Variants in CCBE1 observed in about 807,000 individuals in gnomAD.
CCBE1 encodes collagen and calcium-binding EGF domain-containing protein 1.
In CCBE1, 37 loss-of-function variants were observed where a neutral mutation model predicts 50.0. That is an observed-to-expected ratio of 0.74 (90% CI 0.57 to 0.97). CCBE1 has a LOEUF of 0.97. CCBE1 is among the 50% of genes least tolerant of loss of function. CCBE1 has a pLI of 0.00. For missense variants in CCBE1, 538 were observed against 523.8 expected, an observed-to-expected ratio of 1.03 and a Z score of -0.26; for synonymous variants, 234 against 203.7, an observed-to-expected ratio of 1.15 and a Z score of -1.27.
chr18:59,642,841 C>T (rs554837636), intron 2 of CCBE1, among the ~76,000 whole-genome samples: 4 of 148,050 alleles, frequency 2.7e-5, no homozygotes, highest in South Asian at 2.2e-4. Context: ...CCCAGCTATT[C>T]GGGAGGCTGA....
intron 2 of CCBE1, among the ~76,000 whole-genome samples, chr18:59,645,770 G>A (rs932920155): frequency 3.9e-5 from 6 of 152,276 alleles, no homozygotes; most frequent in African/African-American, 9.6e-5. Flanking sequence ...GGTGGCTCAC[G>A]CCTATAATCC....
intron 6 of CCBE1, among the ~76,000 whole-genome samples, chr18:59,451,351 T>C (rs1264826314): frequency 1.3e-5 from 2 of 149,754 alleles, no homozygotes; most frequent in African/African-American, 4.9e-5. Flanking sequence ...CCTCTCCTTC[T>C]GGAGTCTCCC....
intron 2 of CCBE1, among the ~76,000 whole-genome samples, chr18:59,573,619 C>A (rs983871837): frequency 6.6e-6 from 1 of 151,858 alleles, no homozygotes; most frequent in Non-Finnish European, 1.5e-5. Flanking sequence ...TCTTTTCTCA[C>A]CATTTTAGTT....
chr18:59,623,496 C>G (rs1436764040), intron 2 of CCBE1, among the ~76,000 whole-genome samples: 2 of 152,204 alleles, frequency 1.3e-5, no homozygotes, highest in African/African-American at 4.8e-5. Context: ...CACTTGGTCA[C>G]CTGCCTCTTA....
At chr18:59,544,290 C>A (rs1915598920) in intron 2 of CCBE1, among the ~76,000 whole-genome samples, 1 of 152,102 alleles carries the variant, frequency 6.6e-6, no homozygotes, top group African/African-American at 2.4e-5. Flanking sequence ...TTCCATGGAA[C>A]CATAAAGCAA....
intron 9 of CCBE1, among the ~76,000 whole-genome samples, chr18:59,438,461 G>A (rs573895171): frequency 2.0e-5 from 3 of 152,224 alleles, no homozygotes; most frequent in Admixed American, 2.0e-4. Context: ...TCTTTGTGAG[G>A]CAAAAAAGAG....
intron 2 of CCBE1, among the ~76,000 whole-genome samples, chr18:59,580,775 A>G (rs1414176697): frequency 6.6e-6 from 1 of 152,204 alleles, no homozygotes; most frequent in Admixed American, 6.5e-5. Context: ...AAACAAAATA[A>G]AAGGGGAAAA....
chr18:59,485,496 C>T (rs1197384676), intron 2 of CCBE1, among the ~76,000 whole-genome samples: 2 of 151,966 alleles, frequency 1.3e-5, no homozygotes, highest in Non-Finnish European at 1.5e-5. Context: ...AATATTTGCA[C>T]CCTTGCTGCA....
At chr18:59,440,724 G>C (rs1461935448) in intron 7 of CCBE1, among the ~76,000 whole-genome samples, 1 of 152,114 alleles carries the variant, frequency 6.6e-6, no homozygotes, top group Non-Finnish European at 1.5e-5. Context: ...GCATGCTGGG[G>C]GATGAGTTGG....
chr18:59,580,757 T>A (rs938587390), intron 2 of CCBE1, among the ~76,000 whole-genome samples: 1 of 152,222 alleles, frequency 6.6e-6, no homozygotes, highest in African/African-American at 2.4e-5. Context: ...TTAAGTCAAA[T>A]TTTTTAAAAA....
At chr18:59,522,758 G>A (rs1914654450) in intron 2 of CCBE1, among the ~76,000 whole-genome samples, 1 of 152,086 alleles carries the variant, frequency 6.6e-6, no homozygotes, top group African/African-American at 2.4e-5. Context: ...GGGAGGCCGA[G>A]GCGGGCGTAT....
At chr18:59,553,270 A>G (rs1156659015) in intron 2 of CCBE1, among the ~76,000 whole-genome samples, 3 of 152,210 alleles carry the variant, frequency 2.0e-5, no homozygotes, top group Non-Finnish European at 4.4e-5. Flanking sequence ...TTATAGCTCA[A>G]TTGATGCAAC....
At position 59,480,207 on chromosome 18, in the gene CCBE1, G is replaced by A. The variant is rs755658403; in HGVS notation, c.244C>T (p.Leu82Phe). 3.8e-6 allele frequency: 6 copies of A among 1,597,458 alleles called. No individual in the cohort carries two copies. In the African/African-American group the frequency reaches 6.7e-5, roughly 18 times the overall value. Reference protein sequence around the residue: ...KKCCKGYKFVLGQCIPEDYDV... With the variant: ...KKCCKGYKFVFGQCIPEDYDV... ...ATACCTTCTGGGATGCATTGTCCAAGAACAAATTTATATCCTTTGCAGCAC... is the reference window on the plus strand; with the variant it reads ...ATACCTTCTGGGATGCATTGTCCAAAAACAAATTTATATCCTTTGCAGCAC... The change falls in exon 3 of 11, where the codon CTT becomes TTT. Residue 82 changes from leucine to phenylalanine, a missense_variant. Coordinates refer to ENST00000439986, the MANE Select transcript of CCBE1 (RefSeq NM_133459.4).
chr18:59,697,380 G>A lies in CCBE1; in HGVS notation c.-38C>T, dbSNP rs1385509360. ...CGGCTTCTTCCCAGCGCCGAGCTCCGTCCGGACCAAGCGTCCTGCTCCTCC... is the reference window on the plus strand; with the variant it reads ...CGGCTTCTTCCCAGCGCCGAGCTCCATCCGGACCAAGCGTCCTGCTCCTCC... On this transcript the variant is annotated 5_prime_UTR_variant, in exon 1 of 11. It adds an upstream start codon to the 5' untranslated region. Transcript: ENST00000439986. The A allele has an allele frequency of 5.2e-6, 8 of 1,538,290 alleles. No individual in the cohort carries two copies. Among genetic ancestry groups the A allele is most frequent in the Middle Eastern group, 2.3e-4 (1 of 4,390 alleles).
At chr18:59,485,411 G>C (rs1336037912) in intron 2 of CCBE1, among the ~76,000 whole-genome samples, 2 of 151,962 alleles carry the variant, frequency 1.3e-5, no homozygotes, top group African/African-American at 2.4e-5. Flanking sequence ...TTAGAGACTA[G>C]AAAAGAATTT....
chr18:59,675,867 T>C (rs914730871), intron 2 of CCBE1, among the ~76,000 whole-genome samples: 1 of 152,038 alleles, frequency 6.6e-6, no homozygotes, highest in Non-Finnish European at 1.5e-5. Flanking sequence ...AGAGGCAAGG[T>C]CTCTAAGATG....
chr18:59,488,610 A>C (rs1466389416), intron 2 of CCBE1, among the ~76,000 whole-genome samples: 1 of 152,198 alleles, frequency 6.6e-6, no homozygotes, highest in African/African-American at 2.4e-5. Flanking sequence ...GAAGACCTGG[A>C]AGTCTGGGCA....
chr18:59,562,313 T>A (rs556522243), intron 2 of CCBE1, among the ~76,000 whole-genome samples: 1 of 152,150 alleles, frequency 6.6e-6, no homozygotes, highest in Non-Finnish European at 1.5e-5. Context: ...AGAACCTATC[T>A]TTTTAGATTA....
At chr18:59,483,555 G>A (rs1333497486) in intron 2 of CCBE1, among the ~76,000 whole-genome samples, 3 of 152,144 alleles carry the variant, frequency 2.0e-5, no homozygotes, top group African/African-American at 7.2e-5. Flanking sequence ...ACATTCCTAG[G>A]AGAAACTTAA....
Sources: allele counts gnomAD v4.1 joint callset (sites outside exome capture counted in the v4.1 genomes callset), GRCh38; gene constraint gnomAD v4.1.1; transcripts MANE v1.5; gene names NCBI Gene and HGNC (gene_info 2026-07-23, HGNC 2026-07-21).